The following PCDHA5 variants were observed in gnomAD, a reference collection of about 807,000 sequenced individuals.
PCDHA5 encodes protocadherin alpha 5, also known as protocadherin alpha-5.
A neutral mutation model predicts 61.6 loss-of-function variants in PCDHA5; 43 were observed. The ratio of observed to expected loss-of-function variants is 0.70; its 90% CI spans 0.55 to 0.90. The LOEUF is 0.90. Among genes scored for constraint, PCDHA5 ranks in the 40% least tolerant of loss-of-function variants. PCDHA5 has a pLI of 0.00. For synonymous variants in PCDHA5, 627 were observed against 543.9 expected, an observed-to-expected ratio of 1.15 and a Z score of -2.13; for missense variants, 1,298 against 1,222.7, an observed-to-expected ratio of 1.06 and a Z score of -0.92.
At chr5:140,978,246 C>G (rs1243560833) in intron 1 of PCDHA5, among the ~76,000 whole-genome samples, 1 of 152,148 alleles carries the variant, frequency 6.6e-6, no homozygotes, top group Admixed American at 6.5e-5. Context: ...TCAGCTACTC[C>G]CTGTTAAACA....
At chr5:140,852,885 ATT>A (rs879977429) in intron 1 of PCDHA5, 59 of 776,660 alleles carry the variant, frequency 7.6e-5, no homozygotes, top group Non-Finnish European at 8.1e-5. Flanking sequence ...CATAAAACGT[ATT>A]TTTTTTTTTG....
chr5:140,939,510 A>G (rs2092401222), intron 1 of PCDHA5, among the ~76,000 whole-genome samples: 1 of 150,724 alleles, frequency 6.6e-6, no homozygotes, highest in Admixed American at 6.6e-5. Flanking sequence ...TGTCTATAAC[A>G]TTAATAGTTA....
chr5:141,000,051 C>T (rs1483967510), intron 3 of PCDHA5, among the ~76,000 whole-genome samples: 3 of 152,100 alleles, frequency 2.0e-5, no homozygotes, highest in African/African-American at 7.2e-5. Flanking sequence ...ACACCACTCT[C>T]CCAGCTGCTC....
At chr5:140,827,932 A>G (rs148093365) in intron 1 of PCDHA5, 1 of 1,026,324 alleles carries the variant, frequency 9.7e-7, no homozygotes, top group African/African-American at 1.6e-5. Flanking sequence ...CCATGAAGTT[A>G]TAGCTAGCCA....
At chr5:141,003,123 T>C (rs1387983867) in intron 3 of PCDHA5, among the ~76,000 whole-genome samples, 1 of 152,240 alleles carries the variant, frequency 6.6e-6, no homozygotes, top group Non-Finnish European at 1.5e-5. Flanking sequence ...GGCCCTTTCC[T>C]GGCATTTGCC....
intron 1 of PCDHA5, among the ~76,000 whole-genome samples, chr5:140,922,964 GTGGCA>G (rs1293947003): frequency 6.6e-6 from 1 of 152,186 alleles, no homozygotes; most frequent in East Asian, 1.9e-4. Context: ...TCTTCAGCCA[GTGGCA>G]TATCTCAGAC....
At chr5:140,864,250 T>G (rs2048388075) in intron 1 of PCDHA5, 1 of 152,242 alleles carries the variant, frequency 6.6e-6, no homozygotes, top group Non-Finnish European at 1.5e-5. Flanking sequence ...ATTCATTTTC[T>G]TATTCTGATT....
At chr5:140,854,558 G>A (rs1344773407) in intron 1 of PCDHA5, 1 of 149,764 alleles carries the variant, frequency 6.7e-6, no homozygotes, top group East Asian at 1.9e-4. Flanking sequence ...CATAAATATT[G>A]TTGCTCTGTC....
chr5:140,835,137 C>T, intron 1 of PCDHA5: 3 of 1,385,246 alleles, frequency 2.2e-6, no homozygotes, highest in South Asian at 2.7e-5. Context: ...GGTGAAATTA[C>T]CAGAAAACGT....
intron 1 of PCDHA5, chr5:140,883,493 C>G: frequency 6.2e-7 from 1 of 1,614,174 alleles, no homozygotes; most frequent in Non-Finnish European, 8.5e-7. Flanking sequence ...CTCATTAGTG[C>G]TGGACAGCGC....
chr5:140,860,498 A>G (rs1440089357), intron 1 of PCDHA5: 3 of 152,224 alleles, frequency 2.0e-5, no homozygotes, highest in Non-Finnish European at 4.4e-5. Flanking sequence ...GGATGTCTAC[A>G]TACAAGATAA....
intron 1 of PCDHA5, chr5:140,876,741 G>C: frequency 6.2e-7 from 1 of 1,614,264 alleles, no homozygotes; most frequent in Non-Finnish European, 8.5e-7. Flanking sequence ...CCTATGAGCT[G>C]GTGGTGACTG....
chr5:140,828,549 C>T (rs1769814403), intron 1 of PCDHA5: 4 of 1,614,090 alleles, frequency 2.5e-6, no homozygotes, highest in Non-Finnish European at 2.5e-6. Flanking sequence ...TCTGTGTTTC[C>T]ACTGGAGGGC....
rs1251484030 is a variant in PCDHA5, at chr5:140,848,856, G to A, written c.2352+24729G>A. ...GCCGCTGCAGGTTTTCCATGTGGAC[G>A]TGGAGGTGAAGGACATTAACGACAA... On this transcript the variant is annotated intron_variant, in intron 1 of 3. Coordinates refer to ENST00000529859, the MANE Select transcript of PCDHA5 (RefSeq NM_018908.3). 7.5e-6 allele frequency: 12 copies of A among 1,590,572 alleles called. 2 individuals carry two copies. Among genetic ancestry groups the A allele is most frequent in the African/African-American group, 4.1e-5 (3 of 73,826 alleles).
intron 3 of PCDHA5, among the ~76,000 whole-genome samples, chr5:140,993,754 A>T (rs1253767297): frequency 6.6e-6 from 1 of 152,170 alleles, no homozygotes; most frequent in African/African-American, 2.4e-5. Context: ...ACTTGCCATT[A>T]TATTACAATT....
chr5:140,957,063 C>T (rs2095330338), intron 1 of PCDHA5, among the ~76,000 whole-genome samples: 2 of 152,058 alleles, frequency 1.3e-5, no homozygotes, highest in African/African-American at 4.8e-5. Flanking sequence ...ATAAATGTGA[C>T]TGAGGGCTTT....
At chr5:140,994,848 T>C (rs1453646097) in intron 3 of PCDHA5, among the ~76,000 whole-genome samples, 2 of 151,686 alleles carry the variant, frequency 1.3e-5, no homozygotes, top group East Asian at 3.9e-4. Flanking sequence ...ATAAGATGAG[T>C]GCATTTGATG....
At chr5:140,982,022 G>T (rs2096962811) in intron 2 of PCDHA5, among the ~76,000 whole-genome samples, 1 of 152,168 alleles carries the variant, frequency 6.6e-6, no homozygotes, top group African/African-American at 2.4e-5. Context: ...AGCCAAATTG[G>T]AACAATACTC....
At chr5:140,834,176 G>A (rs1772828116) in intron 1 of PCDHA5, 1 of 555,612 alleles carries the variant, frequency 1.8e-6, no homozygotes, top group Admixed American at 3.3e-5. Context: ...TTACATGATG[G>A]CCACATGATG....
Sources: allele counts gnomAD v4.1 joint callset (sites outside exome capture counted in the v4.1 genomes callset), GRCh38; gene constraint gnomAD v4.1.1; transcripts MANE v1.5; gene names NCBI Gene and HGNC (gene_info 2026-07-23, HGNC 2026-07-21).